NCOR1: variants seen among roughly 807,000 people sequenced by gnomAD.
NCOR1 encodes the protein nuclear receptor corepressor 1, also known as protein phosphatase 1, regulatory subunit 109.
Under a neutral mutation model 288.1 loss-of-function variants are expected in NCOR1, and 63 were observed. The ratio of observed to expected loss-of-function variants is 0.22; its 90% CI spans 0.18 to 0.27. The LOEUF (loss-of-function observed/expected upper bound fraction) is 0.27, where lower values mean the gene tolerates loss of function less well. NCOR1 is among the 10% of genes least tolerant of loss of function. The pLI, the probability that NCOR1 is intolerant of heterozygous loss-of-function variation, is 1.00. For missense variants in NCOR1, 2,397 were observed against 3,019.2 expected (o/e 0.79, Z 4.83); for synonymous variants, 1,007 against 1,065.9 (o/e 0.94, Z 1.08).
Position 16,101,710 on chromosome 17 carries a change from G to C in NCOR1, c.2230C>G (p.Arg744Gly), listed in dbSNP as rs760547329. 1.2e-6 allele frequency: 2 copies of C among 1,614,184 alleles called. No homozygotes were observed. The highest frequency in any genetic ancestry group is 2.2e-5 in the South Asian group (2 of 91,082). Residue 744 changes from arginine (R) to glycine (G), a missense_variant, in exon 20 of 46, where the codon CGA becomes GGA. Coordinates refer to ENST00000268712, the MANE Select transcript of NCOR1 (RefSeq NM_006311.4). ...SEDSPENATS[R>G]GNTEPAVELE... The stretch of plus-strand genomic sequence containing the variant: ...TCAACCGCAGGTTCTGTGTTTCCTC[G>C]AGAAGTAGCATTTTCAGGACTGTCC...
intron 1 of NCOR1, among the ~76,000 whole-genome samples, chr17:16,214,266 T>C (rs1426616590): frequency 1.3e-5 from 2 of 152,208 alleles, no homozygotes; most frequent in African/African-American, 4.8e-5. Flanking sequence ...AACGATGCCA[T>C]CAACTCTTCA....
rs981548110 is a variant in NCOR1 at position 16,127,478 on chromosome 17, T to C, written c.1510-1272A>G. On this transcript the variant is annotated intron_variant, in intron 14 of 45. Transcript: ENST00000268712. ...GTATATATACGTGTATGTGTATATA[T>C]ACACGTGTGTATATGTGCATGTATA... is the stretch of plus-strand genomic sequence containing the variant. 3.4e-5 allele frequency among the ~76,000 whole-genome samples: 5 copies of C among 147,564 alleles called. 1 individual carries two copies. The highest frequency in any genetic ancestry group is 1.2e-4 in the African/African-American group (5 of 40,432).
intron 32 of NCOR1, chr17:16,065,986 A>G: frequency 4.9e-6 from 2 of 408,950 alleles, no homozygotes; most frequent in South Asian, 4.8e-5. Context: ...TTTACCTGGC[A>G]TCTGCAAGAG....
At chr17:16,158,728 G>T in intron 6 of NCOR1, 32 bp downstream of exon 6, 1 of 1,425,512 alleles carries the variant, frequency 7.0e-7, no homozygotes, top group Non-Finnish European at 9.9e-7. Context: ...TGGGGTTAAA[G>T]GCCTGTGCTG....
rs66939235 is a variant in NCOR1 at position 16,175,834 on chromosome 17, T to TAA, written c.243-3841_243-3840dup. Among the ~76,000 whole-genome samples the TAA allele has an allele frequency of 3.2e-4, 47 of 144,860 alleles. 1 individual carries two copies. The highest frequency in any genetic ancestry group is 1.1e-3 in the African/African-American group (42 of 39,506). Reference sequence around the variant, plus strand: ...AGGAGTTTAGAGACTTTGTCTCTTTTAAAAAAAAAAAAAAAAAGATGGGTT... The same window carrying TAA: ...AGGAGTTTAGAGACTTTGTCTCTTTTAAAAAAAAAAAAAAAAAAAGATGGGTT... On this transcript the variant is annotated intron_variant, in intron 3 of 45. Coordinates refer to ENST00000268712, the MANE Select transcript of NCOR1 (RefSeq NM_006311.4).
chr17:16,122,886 C>T lies in NCOR1; in HGVS notation c.1635-1617G>A, dbSNP rs528753311. Among the ~76,000 whole-genome samples, 5 of 152,286 alleles carry T rather than the reference C, an allele frequency of 3.3e-5. No individual in the cohort carries two copies. In the East Asian group the frequency reaches 9.7e-4, roughly 29 times the overall value. Reference sequence around the variant, plus strand: ...TCCTGTGCTAAAGCAATTCTCCCACCTTGGCTGGGATTACAGGAATGAGCC... The same window carrying T: ...TCCTGTGCTAAAGCAATTCTCCCACTTTGGCTGGGATTACAGGAATGAGCC... On this transcript the variant is annotated intron_variant, in intron 15 of 45. Coordinates refer to ENST00000268712, the MANE Select transcript of NCOR1 (RefSeq NM_006311.4).
intron 23 of NCOR1, among the ~76,000 whole-genome samples, chr17:16,081,208 C>CT (rs1429065225): frequency 2.0e-4 from 25 of 126,532 alleles, no homozygotes; most frequent in Non-Finnish European, 2.9e-4. Context: ...TTTTTGTTTT[C>CT]TTTTTGTTTT....
chr17:16,039,865 A>G (rs1597655775), intron 43 of NCOR1: 2 of 504,812 alleles, frequency 4.0e-6, no homozygotes, highest in South Asian at 2.1e-5. Context: ...ATCTTGGCTC[A>G]CTGCAACCTC....
chr17:16,037,956 C>T (rs1045896246), intron 44 of NCOR1, among the ~76,000 whole-genome samples: 11 of 152,136 alleles, frequency 7.2e-5, no homozygotes, highest in African/African-American at 2.7e-4. Flanking sequence ...ACAACCAGTA[C>T]AATTGTAATT....
At chr17:16,127,420 C>CAT (rs147550673) in intron 14 of NCOR1, among the ~76,000 whole-genome samples, 8,377 of 32,700 alleles carry the variant, frequency 0.26, 3,617 homozygotes, top group African/African-American at 0.6. Context: ...TGTATATATA[C>CAT]ATGTGTATAT....
chr17:16,137,297 G>GT lies in NCOR1; in HGVS notation c.1509+13dup. The GT allele has an allele frequency of 1.9e-6, 3 of 1,547,126 alleles. No individual in the cohort carries two copies. The highest frequency in any genetic ancestry group is 2.7e-6 in the Non-Finnish European group (3 of 1,127,924). Reference sequence around the variant, plus strand: ...CAATCCTGAAATATCTTCCATACAAGTAAGAAAACACACCTGGTTTCTGCC... The same window carrying GT: ...CAATCCTGAAATATCTTCCATACAAGTTAAGAAAACACACCTGGTTTCTGCC... On this transcript the variant is annotated intron_variant, in intron 14 of 45. Coordinates refer to ENST00000268712, the MANE Select transcript of NCOR1 (RefSeq NM_006311.4).
intron 18 of NCOR1, among the ~76,000 whole-genome samples, chr17:16,110,693 G>T (rs923627877): frequency 2.6e-5 from 4 of 152,176 alleles, no homozygotes; most frequent in Non-Finnish European, 5.9e-5. Flanking sequence ...AGACTCCTCA[G>T]AAGAGGAAAA....
chr17:16,203,382 C>T (rs1230108707), intron 1 of NCOR1, among the ~76,000 whole-genome samples: 2 of 152,174 alleles, frequency 1.3e-5, no homozygotes, highest in African/African-American at 2.4e-5. Flanking sequence ...GAGCCCTTCT[C>T]TGCCAGGTCC....
chr17:16,159,729 T>G (rs1261457718), intron 5 of NCOR1, among the ~76,000 whole-genome samples: 2 of 152,044 alleles, frequency 1.3e-5, no homozygotes, highest in Non-Finnish European at 2.9e-5. Flanking sequence ...ACTATTGGTG[T>G]GTGCAAGTAT....
chr17:16,101,487 T>C lies in NCOR1; in HGVS notation c.2453A>G (p.Lys818Arg), dbSNP rs543975969. 1.2e-6 allele frequency: 2 copies of C among 1,614,188 alleles called. No homozygotes were observed. The highest frequency in any genetic ancestry group is 1.3e-5 in the African/African-American group (1 of 75,038). ...GSVCDPPPATKADSVDVEVRV... is the reference protein window; with the variant it reads ...GSVCDPPPATRADSVDVEVRV... ...CACTTCAACGTCCACAGAGTCAGCT[T>C]TGGTAGCGGGTGGGGGATCACAAAC... is the stretch of plus-strand genomic sequence containing the variant. The change falls in exon 20 of 46, where the codon AAA (lysine) becomes AGA (arginine). Residue 818 changes from lysine to arginine, a missense_variant. By Grantham distance (26) the Lys-to-Arg change is conservative. This residue lies in a region of NCOR1 where 1,872 missense variants were observed against 2,187.8 expected (regional missense o/e 0.86). Transcript: ENST00000268712.
intron 36 of NCOR1, 95 bp downstream of exon 36, chr17:16,062,010 A>G (rs1309897153): frequency 6.3e-7 from 1 of 1,576,080 alleles, no homozygotes; most frequent in Non-Finnish European, 8.6e-7. Context: ...TGGCATGGGC[A>G]GAAAAGCATG....
chr17:16,147,413 A>AG (rs1246221028), intron 9 of NCOR1, among the ~76,000 whole-genome samples: 1 of 151,772 alleles, frequency 6.6e-6, no homozygotes, highest in Non-Finnish European at 1.5e-5. Flanking sequence ...AACAAAACAA[A>AG]AAACAGAAAT....
At chr17:16,134,986 C>T (rs538470272) in intron 14 of NCOR1, among the ~76,000 whole-genome samples, 2 of 151,894 alleles carry the variant, frequency 1.3e-5, no homozygotes, top group Admixed American at 6.6e-5. Context: ...GGTGAAACCC[C>T]GTCTCTACTA....
intron 9 of NCOR1, 33 bp downstream of exon 9, chr17:16,149,418 T>C (rs765402188): frequency 2.3e-6 from 3 of 1,313,992 alleles, no homozygotes; most frequent in Non-Finnish European, 3.2e-6. Flanking sequence ...GGGAAAGCTG[T>C]ATAAATTTCA....
Sources: allele counts gnomAD v4.1 joint callset (sites outside exome capture counted in the v4.1 genomes callset), GRCh38; gene constraint gnomAD v4.1.1; regional missense constraint gnomAD v4.1.1; transcripts MANE v1.5; gene names NCBI Gene and HGNC (gene_info 2026-07-23, HGNC 2026-07-21).